Variants in CCSER1 observed in about 807,000 individuals in gnomAD.
CCSER1 encodes the protein coiled-coil serine rich protein 1, also known as serine-rich coiled-coil domain-containing protein 1.
CCSER1 carries 41 observed loss-of-function variants against 82.0 expected under a neutral mutation model. That is an observed-to-expected ratio of 0.50 (90% CI 0.39 to 0.65). CCSER1 has a LOEUF of 0.65. CCSER1 is among the 30% of genes least tolerant of loss of function. CCSER1 has a pLI of 0.00. For synonymous variants in CCSER1, 414 were observed against 383.9 expected, an observed-to-expected ratio of 1.08 and a Z score of -0.92; for missense variants, 1,119 against 1,064.2, an observed-to-expected ratio of 1.05 and a Z score of -0.72.
intron 5 of CCSER1, among the ~76,000 whole-genome samples, chr4:90,618,178 G>A (rs920864615): frequency 6.6e-6 from 1 of 151,948 alleles, no homozygotes; most frequent in African/African-American, 2.4e-5. Context: ...ATTCAAAGTT[G>A]TAATCTCAAA....
intron 10 of CCSER1, among the ~76,000 whole-genome samples, chr4:91,589,512 G>T (rs777168672): frequency 6.6e-6 from 1 of 150,900 alleles, no homozygotes; most frequent in Non-Finnish European, 1.5e-5. Context: ...TCTCATTCAA[G>T]AAGCATTTTA....
intron 10 of CCSER1, among the ~76,000 whole-genome samples, chr4:91,101,586 G>A (rs1475661107): frequency 6.6e-6 from 1 of 150,560 alleles, no homozygotes; most frequent in Non-Finnish European, 1.5e-5. Context: ...AGTGAGCTGA[G>A]ATCGTGCCAC....
At chr4:90,786,653 ATC>A (rs752925167) in intron 7 of CCSER1, among the ~76,000 whole-genome samples, 5 of 152,136 alleles carry the variant, frequency 3.3e-5, no homozygotes, top group Admixed American at 6.5e-5. Flanking sequence ...TGTACAGAAA[ATC>A]TCTCTGTTTT....
chr4:90,656,195 T>A (rs1285838452), intron 6 of CCSER1, among the ~76,000 whole-genome samples: 1 of 151,906 alleles, frequency 6.6e-6, no homozygotes, highest in African/African-American at 2.4e-5. Context: ...GTCTAAATGC[T>A]CTCAATAAAA....
rs116157131 is a variant in CCSER1, at chr4:90,682,823, A to G, written c.1933-41091A>G. On this transcript the variant is annotated intron_variant, in intron 6 of 10. Coordinates refer to ENST00000509176, the MANE Select transcript of CCSER1 (RefSeq NM_001145065.2). The stretch of plus-strand genomic sequence containing the variant: ...TATAAACTCAGATTTATTAATCACT[A>G]AATAGCTCTAAATTTGTAAATAAAT... Among the ~76,000 whole-genome samples the G allele has an allele frequency of 4.2e-3, 635 of 152,248 alleles. 9 individuals are homozygous for G. Among genetic ancestry groups the G allele is most frequent in the African/African-American group, 0.015 (622 of 41,580 alleles).
chr4:90,859,371 C>T (rs1193386376), intron 8 of CCSER1, among the ~76,000 whole-genome samples: 2 of 151,770 alleles, frequency 1.3e-5, no homozygotes, highest in Non-Finnish European at 3.0e-5. Flanking sequence ...ATTAATTTCT[C>T]TTTCAAAATC....
chr4:90,887,782 T>C (rs575231686), intron 8 of CCSER1, among the ~76,000 whole-genome samples: 1 of 152,220 alleles, frequency 6.6e-6, no homozygotes, highest in East Asian at 1.9e-4. Context: ...CCTGGGAGGC[T>C]GAGGCAGGAG....
chr4:91,022,661 T>A (rs1740103965), intron 9 of CCSER1, among the ~76,000 whole-genome samples: 5 of 152,164 alleles, frequency 3.3e-5, no homozygotes, highest in South Asian at 2.1e-4. Context: ...CCACATCCTC[T>A]CCAGCACCTG....
At position 91,363,357 on chromosome 4, in the gene CCSER1, T is replaced by TTG. The variant is rs201687094; in HGVS notation, c.2218-235182_2218-235181dup. On this transcript the variant is annotated intron_variant, in intron 10 of 10. Coordinates refer to ENST00000509176, the MANE Select transcript of CCSER1 (RefSeq NM_001145065.2). ...GATTGAAGCATAGGATGGAGATATTTTGTGTGTGTGTGTGTGTGTGTGTGT... is the reference window on the plus strand; with the variant it reads ...GATTGAAGCATAGGATGGAGATATTTTGTGTGTGTGTGTGTGTGTGTGTGTGT... 2.4e-4 allele frequency among the ~76,000 whole-genome samples: 34 copies of TTG among 139,608 alleles called. 1 individual carries two copies. The highest frequency in any genetic ancestry group is 3.5e-3 in the Middle Eastern group (1 of 288). The allele number at this position is 139,608 out of a possible 152,430, so 91.6% of individuals were successfully genotyped here.
intron 4 of CCSER1, chr4:90,404,161 A>G (rs1285530276): frequency 1.3e-5 from 2 of 152,274 alleles, no homozygotes; most frequent in African/African-American, 4.8e-5. Flanking sequence ...CGTGGGCTGC[A>G]TGGGAGTGGG....
intron 6 of CCSER1, among the ~76,000 whole-genome samples, chr4:90,635,515 T>A (rs1420836219): frequency 6.6e-6 from 1 of 151,814 alleles, no homozygotes; most frequent in Non-Finnish European, 1.5e-5. Flanking sequence ...TCCAATGAGA[T>A]GATGATAATA....
intron 10 of CCSER1, among the ~76,000 whole-genome samples, chr4:91,251,271 T>C (rs1290956225): frequency 6.6e-6 from 1 of 152,148 alleles, no homozygotes; most frequent in East Asian, 1.9e-4. Context: ...ATTGCCACTT[T>C]CTTGCTGTAT....
intron 1 of CCSER1, among the ~76,000 whole-genome samples, chr4:90,229,732 C>T (rs1483620554): frequency 6.6e-6 from 1 of 152,122 alleles, no homozygotes; most frequent in Non-Finnish European, 1.5e-5. Flanking sequence ...ACCCATCTCA[C>T]ATGCAGAGAC....
chr4:91,248,929 T>G (rs1740037531), intron 10 of CCSER1, among the ~76,000 whole-genome samples: 1 of 152,098 alleles, frequency 6.6e-6, no homozygotes, highest in African/African-American at 2.4e-5. Flanking sequence ...ATTAAGTGCT[T>G]AATGAAAATG....
chr4:90,838,438 CA>C (rs1222008991), intron 8 of CCSER1, among the ~76,000 whole-genome samples: 3 of 151,264 alleles, frequency 2.0e-5, no homozygotes, highest in Admixed American at 2.0e-4. Flanking sequence ...TCTGCTTGAT[CA>C]TTTTTAATAA....
chr4:91,430,051 CAA>C (rs1469261747), intron 10 of CCSER1, among the ~76,000 whole-genome samples: 2 of 151,880 alleles, frequency 1.3e-5, no homozygotes, highest in African/African-American at 4.8e-5. Flanking sequence ...ATGTATTTTA[CAA>C]ATACATCTTA....
chr4:90,197,650 T>G (rs188260968), intron 1 of CCSER1, among the ~76,000 whole-genome samples: 43 of 151,952 alleles, frequency 2.8e-4, no homozygotes, highest in Non-Finnish European at 5.6e-4. Flanking sequence ...GAACCGGAGG[T>G]CATTATGTTA....
intron 10 of CCSER1, among the ~76,000 whole-genome samples, chr4:91,526,448 G>A (rs1760768132): frequency 6.6e-6 from 1 of 152,130 alleles, no homozygotes; most frequent in Non-Finnish European, 1.5e-5. Flanking sequence ...CTGGGGACAT[G>A]TTCTCAGGAC....
intron 1 of CCSER1, among the ~76,000 whole-genome samples, chr4:90,264,614 C>T (rs916712712): frequency 6.6e-6 from 1 of 152,034 alleles, no homozygotes; most frequent in African/African-American, 2.4e-5. Context: ...TATTTCTAAA[C>T]TTTATTTTTC....
Sources: gnomAD v4.1 joint callset for allele counts (sites outside exome capture counted in the v4.1 genomes callset) on GRCh38, gnomAD v4.1.1 for gene constraint, MANE v1.5 for transcripts, NCBI Gene and HGNC (gene_info 2026-07-23, HGNC 2026-07-21) for gene names.